RPH3AL: variants seen among roughly 807,000 people sequenced by gnomAD.
RPH3AL encodes the protein rabphilin 3A like (without C2 domains).
RPH3AL carries 38 observed loss-of-function variants against 43.1 expected under a neutral mutation model. That is an observed-to-expected ratio of 0.88 (90% confidence interval 0.68 to 1.15). RPH3AL has a LOEUF of 1.15. RPH3AL is among the 50% of genes most tolerant of loss of function. RPH3AL has a pLI of 0.00. For missense variants in RPH3AL, 462 were observed against 423.2 expected (o/e 1.09, Z -0.81); for synonymous variants, 189 against 176.3 (o/e 1.07, Z -0.57).
intron 6 of RPH3AL, among the ~76,000 whole-genome samples, chr17:277,392 G>A (rs1253909155): frequency 6.6e-6 from 1 of 152,148 alleles, no homozygotes; most frequent in Non-Finnish European, 1.5e-5. Context: ...GTTCCTCAAT[G>A]ATCCATATTA....
chr17:286,967 C>CCT (rs35807570), intron 5 of RPH3AL, among the ~76,000 whole-genome samples: 5,268 of 23,236 alleles, frequency 0.23, 1,460 homozygotes, highest in South Asian at 0.47. Flanking sequence ...GACCTCGCAC[C>CCT]CTCTCTCCAC....
In RPH3AL at chr17:231,671, G is replaced by A. The variant is rs115615420; in HGVS notation, c.614-11935C>T. Among the ~76,000 whole-genome samples the A allele has an allele frequency of 4.6e-3, 701 of 152,326 alleles. 5 individuals carry two copies. The highest frequency in any genetic ancestry group is 0.016 in the African/African-American group (663 of 41,582). On this transcript the variant is annotated intron_variant, in intron 7 of 9. Transcript: ENST00000331302. ...AGGCTAGCATGGGCCAGGCACACAC[G>A]GGAGCTCTGCACACCAAAAGCAAGC...
Position 270,118 on chromosome 17 carries a change from T to C in RPH3AL, c.438+11650A>G, listed in dbSNP as rs146877556. Among the ~76,000 whole-genome samples the C allele has an allele frequency of 5.0e-3, 761 of 152,156 alleles. 8 individuals are homozygous for C. Among genetic ancestry groups the C allele is most frequent in the African/African-American group, 0.017 (721 of 41,506 alleles). On this transcript the variant is annotated intron_variant, in intron 6 of 9. Coordinates refer to ENST00000331302, the MANE Select transcript of RPH3AL (RefSeq NM_006987.4). ...TATGACCATCCGGGTCCCCCAGGGA[T>C]GCCGTGACAGCAGCCCAGAGTGAGG...
intron 1 of RPH3AL, among the ~76,000 whole-genome samples, chr17:351,952 C>G (rs1255536944): frequency 6.6e-6 from 1 of 152,190 alleles, no homozygotes; most frequent in Non-Finnish European, 1.5e-5. Flanking sequence ...GAAACGGGCC[C>G]CTGCATGTGC....
rs956525999 is a variant in RPH3AL at position 245,276 on chromosome 17, T to G, written c.613+1835A>C. Among the ~76,000 whole-genome samples, 1 of 151,520 alleles carries G rather than the reference T, an allele frequency of 6.6e-6. No homozygotes were observed. Among genetic ancestry groups the G allele is most frequent in the African/African-American group, 2.4e-5 (1 of 41,206 alleles). ...GTGTGTGTGCACGTGGATGTCAGTGTGTGTGTACGTGGGTGTGTGTGTGGA... is the reference window on the plus strand; with the variant it reads ...GTGTGTGTGCACGTGGATGTCAGTGGGTGTGTACGTGGGTGTGTGTGTGGA... On this transcript the variant is annotated intron_variant, in intron 7 of 9. Transcript: ENST00000331302. The surrounding 1 kb of genome is among the most constrained non-coding windows in gnomAD (Gnocchi z 5.9).
chr17:314,902 CATTG>C (rs1567508507), intron 5 of RPH3AL, among the ~76,000 whole-genome samples: 34 of 150,218 alleles, frequency 2.3e-4, no homozygotes, highest in East Asian at 9.8e-4. Context: ...GCTCCACCTC[CATTG>C]ACCAGTAGTC....
At position 213,690 on chromosome 17, in the gene RPH3AL, C is replaced by A. The variant is rs1016676406; in HGVS notation, c.*162G>T. On this transcript the variant is annotated 3_prime_UTR_variant, in exon 10 of 10. Transcript: ENST00000331302. ...ACAGCTCCCCAGGAGAGAAGGGGTG[C>A]AGAAAGGCACTGAGCTGGGGAGGCA... 6.1e-5 allele frequency: 40 copies of A among 658,316 alleles called. No individual in the cohort carries two copies. The highest frequency in any genetic ancestry group is 1.4e-5 in the Non-Finnish European group (5 of 364,488). 40.8% of individuals were successfully genotyped at this position (658,316 alleles called of 1,614,324 possible).
At chr17:223,912 G>A (rs1275014936) in intron 7 of RPH3AL, among the ~76,000 whole-genome samples, 6 of 152,060 alleles carry the variant, frequency 3.9e-5, no homozygotes, top group East Asian at 1.9e-4. Context: ...CCAACAGAGC[G>A]GCCAGCACAC....
chr17:291,647 C>T (rs1228510292), intron 5 of RPH3AL, among the ~76,000 whole-genome samples: 1 of 152,170 alleles, frequency 6.6e-6, no homozygotes, highest in Non-Finnish European at 1.5e-5. Context: ...CTCCTGATGC[C>T]AGAAACCAAA....
intron 5 of RPH3AL, among the ~76,000 whole-genome samples, chr17:300,012 CTG>C (rs1555564511): frequency 1.9e-4 from 18 of 94,240 alleles, no homozygotes; most frequent in African/African-American, 6.4e-4. Flanking sequence ...CAGCCTAGGC[CTG>C]CAGAATCTCC....
intron 7 of RPH3AL, among the ~76,000 whole-genome samples, chr17:243,361 C>G (rs867845104): frequency 7.5e-6 from 1 of 134,128 alleles, no homozygotes; most frequent in African/African-American, 2.7e-5. Flanking sequence ...TACCCTTCCT[C>G]TATTGATTAC....
chr17:322,289 C>G lies in RPH3AL; in HGVS notation c.78-874G>C, dbSNP rs924464620. The G allele has an allele frequency of 5.9e-5, 9 of 152,290 alleles. No individual in the cohort carries two copies. The highest frequency in any genetic ancestry group is 2.2e-4 in the African/African-American group (9 of 41,428). 9.4% of individuals were successfully genotyped at this position (152,290 alleles called of 1,614,324 possible). ...AGAGAGTGGCAGCAGCAGATCAAAC[C>G]CCGGAGCCCCTGCCCTGGGTGGGTG... On this transcript the variant is annotated intron_variant, in intron 3 of 9. Coordinates refer to ENST00000331302, the MANE Select transcript of RPH3AL (RefSeq NM_006987.4). The surrounding 1 kb of genome is among the most constrained non-coding windows in gnomAD (Gnocchi z 4.0).
chr17:310,596 G>C (rs76255246), intron 5 of RPH3AL, among the ~76,000 whole-genome samples: 1,854 of 152,234 alleles, frequency 0.012, 41 homozygotes, highest in African/African-American at 0.041. Context: ...CCCAGAAACC[G>C]GCAGTCCCAG....
At chr17:305,407 G>T (rs6565709) in intron 5 of RPH3AL, among the ~76,000 whole-genome samples, 148,905 of 151,974 alleles carry the variant, frequency 0.98, 72,999 homozygotes, top group East Asian at 1. Context: ...GGGGGCTGGG[G>T]AGGGAAGGGC....
chr17:311,819 T>C (rs928862077), intron 5 of RPH3AL, among the ~76,000 whole-genome samples: 7 of 152,096 alleles, frequency 4.6e-5, no homozygotes, highest in Admixed American at 6.5e-5. Flanking sequence ...GAGCTCCAAT[T>C]TTAAGAAAAC....
rs530032919 is a variant in RPH3AL at position 345,476 on chromosome 17, A to G, written c.-213+7236T>C. On this transcript the variant is annotated intron_variant, in intron 1 of 9. Transcript: ENST00000331302. ...ATCCTCAGAGAAGCTGGAAGGGGGA[A>G]TCCCTGGGGTTTCTACGCCTGTATA... is the stretch of plus-strand genomic sequence containing the variant. Among the ~76,000 whole-genome samples, 3 of 134,644 alleles carry G rather than the reference A, an allele frequency of 2.2e-5. 1 individual carries two copies. The South Asian group carries it at 7.3e-4, about 33-fold the overall frequency. The allele number at this position is 134,644 out of a possible 152,430, so 88.3% of individuals were successfully genotyped here. A position where few individuals can be genotyped will look rare whatever the true frequency, so the allele number is the denominator to read the frequency against.
intron 7 of RPH3AL, among the ~76,000 whole-genome samples, chr17:242,820 C>G (rs1364389819): frequency 7.3e-6 from 1 of 136,138 alleles, no homozygotes; most frequent in Non-Finnish European, 1.6e-5. Context: ...GATTACCTTC[C>G]TCTATTGATT....
In RPH3AL at chr17:245,388, T is replaced by C. The variant is rs964031787; in HGVS notation, c.613+1723A>G. Among the ~76,000 whole-genome samples the C allele has an allele frequency of 5.4e-5, 8 of 149,200 alleles. No individual in the cohort carries two copies. The highest frequency in any genetic ancestry group is 1.2e-4 in the Non-Finnish European group (8 of 67,310). On this transcript the variant is annotated intron_variant, in intron 7 of 9. Transcript: ENST00000331302. The surrounding 1 kb of genome is among the most constrained non-coding windows in gnomAD (Gnocchi z 5.9). Reference sequence around the variant, plus strand: ...GTGTGTGTGTGTGGATGTCAGTGTGTGTGTGGATATCAGTGTGTGTGTGTG... The same window carrying C: ...GTGTGTGTGTGTGGATGTCAGTGTGCGTGTGGATATCAGTGTGTGTGTGTG...
intron 5 of RPH3AL, among the ~76,000 whole-genome samples, chr17:313,290 T>A (rs752639767): frequency 6.6e-6 from 1 of 152,090 alleles, no homozygotes; most frequent in African/African-American, 2.4e-5. Context: ...AAAACACAGA[T>A]CAGATCACAC....
Sources: gnomAD v4.1 joint callset for allele counts (sites outside exome capture counted in the v4.1 genomes callset) on GRCh38, gnomAD v4.1.1 for gene constraint, Gnocchi (gnomAD v3.1) non-coding constraint, MANE v1.5 for transcripts, NCBI Gene and HGNC (gene_info 2026-07-23, HGNC 2026-07-21) for gene names.